Variants in PGGT1B observed in about 807,000 individuals in gnomAD.
PGGT1B encodes protein geranylgeranyltransferase type I subunit beta.
Under a neutral mutation model 46.1 loss-of-function variants are expected in PGGT1B, and 30 were observed. The ratio of observed to expected loss-of-function variants is 0.65; its 90% CI spans 0.49 to 0.88. The LOEUF is 0.88. Among genes scored for constraint, PGGT1B ranks in the 40% least tolerant of loss-of-function variants. PGGT1B has a pLI of 0.00. For synonymous variants in PGGT1B, 170 were observed against 160.0 expected, an observed-to-expected ratio of 1.06 and a Z score of -0.47; for missense variants, 376 against 455.9, an observed-to-expected ratio of 0.82 and a Z score of 1.60.
At chr5:115,226,374 T>C (rs1055513641) in intron 6 of PGGT1B, among the ~76,000 whole-genome samples, 2 of 152,050 alleles carry the variant, frequency 1.3e-5, no homozygotes, top group African/African-American at 4.8e-5. Context: ...GACCCAAGTA[T>C]TTTGGATAAG....
At chr5:115,239,634 G>C (rs868512480) in intron 3 of PGGT1B, among the ~76,000 whole-genome samples, 120 of 152,346 alleles carry the variant, frequency 7.9e-4, no homozygotes, top group African/African-American at 2.7e-3. Context: ...AGAATGTAAT[G>C]AGTAGTCATA....
chr5:115,214,840 TA>T, intron 8 of PGGT1B, among the ~76,000 whole-genome samples: 1 of 152,164 alleles, frequency 6.6e-6, no homozygotes, highest in Non-Finnish European at 1.5e-5. Flanking sequence ...TGCACTGGTT[TA>T]AAAAATGGAA....
At position 115,233,796 on chromosome 5, in the gene PGGT1B, T is replaced by C. The variant is rs912029763; in HGVS notation, c.612+2594A>G. Reference sequence around the variant, plus strand: ...AAAACAAAAAAAGTATAACGCTTTTTATTGGTGAGGCTATGTGAAAACAGG... The same window carrying C: ...AAAACAAAAAAAGTATAACGCTTTTCATTGGTGAGGCTATGTGAAAACAGG... On this transcript the variant is annotated intron_variant, in intron 5 of 8. Coordinates refer to ENST00000419445, the MANE Select transcript of PGGT1B (RefSeq NM_005023.4). 2.0e-5 allele frequency among the ~76,000 whole-genome samples: 3 copies of C among 152,026 alleles called. No individual in the cohort carries two copies. In the East Asian group the frequency reaches 5.8e-4, roughly 29 times the overall value.
intron 2 of PGGT1B, among the ~76,000 whole-genome samples, chr5:115,250,638 TC>T (rs1748052720): frequency 6.6e-6 from 1 of 152,072 alleles, no homozygotes; most frequent in Non-Finnish European, 1.5e-5. Flanking sequence ...CAATTCTAAC[TC>T]CAAAAAATGT....
Position 115,246,521 on chromosome 5 carries a change from G to A in PGGT1B, c.260-4915C>T, listed in dbSNP as rs568345725. ...ACACACAATTCATTGTAAATTTATC[G>A]CTGAATGCATACTCTGGGTACAGTA... is the stretch of plus-strand genomic sequence containing the variant. On this transcript the variant is annotated intron_variant, in intron 2 of 8. Coordinates refer to ENST00000419445, the MANE Select transcript of PGGT1B (RefSeq NM_005023.4). 3.3e-5 allele frequency among the ~76,000 whole-genome samples: 5 copies of A among 151,986 alleles called. No individual in the cohort carries two copies. The South Asian group carries it at 6.3e-4, about 19-fold the overall frequency.
chr5:115,216,958 G>A lies in PGGT1B; in HGVS notation c.859C>T (p.Gln287Ter), dbSNP rs762160140. Residue 287 changes from glutamine to a stop codon, truncating the protein, a stop_gained, in exon 8 of 9, where the codon CAA becomes TAA. Transcript: ENST00000419445. LOFTEE classifies it high-confidence loss of function. Reference protein sequence around the residue: ...GATLKLLKIFQYTNFEKNRNY... With the variant: ...GATLKLLKIF ...CTATTTTTCTCAAAGTTAGTGTATT[G>A]GAAAATTTTTAGAAGCTGAAATGAC... 6.6e-7 allele frequency: 1 copy of A among 1,505,702 alleles called. No individual in the cohort carries two copies. Among genetic ancestry groups the A allele is most frequent in the Admixed American group, 1.7e-5 (1 of 58,764 alleles). 93.3% of individuals were successfully genotyped at this position (1,505,702 alleles called of 1,614,324 possible). A position where few individuals can be genotyped will look rare whatever the true frequency, so the allele number is the denominator to read the frequency against.
intron 1 of PGGT1B, among the ~76,000 whole-genome samples, chr5:115,260,305 C>G (rs1748499454): frequency 6.6e-6 from 1 of 151,990 alleles, no homozygotes; most frequent in African/African-American, 2.4e-5. Context: ...CTTTTTCATA[C>G]CTATTGGTAA....
intron 6 of PGGT1B, among the ~76,000 whole-genome samples, chr5:115,229,365 C>A (rs1159204944): frequency 6.6e-6 from 1 of 152,006 alleles, no homozygotes; most frequent in African/African-American, 2.4e-5. Flanking sequence ...GATTAAAAGG[C>A]CTTCCTCTAG....
chr5:115,226,952 A>G (rs139143375), intron 6 of PGGT1B, among the ~76,000 whole-genome samples: 105 of 152,116 alleles, frequency 6.9e-4, no homozygotes, highest in African/African-American at 2.4e-3. Flanking sequence ...AGCAGAAGCA[A>G]GTGGAAAGGA....
intron 5 of PGGT1B, among the ~76,000 whole-genome samples, chr5:115,233,834 T>C (rs548131680): frequency 9.5e-4 from 145 of 152,152 alleles, no homozygotes; most frequent in African/African-American, 3.4e-3. Context: ...CTCTCTTATA[T>C]TGGTAGGAAA....
chr5:115,239,868 T>C (rs950031716), intron 3 of PGGT1B, among the ~76,000 whole-genome samples: 5 of 152,212 alleles, frequency 3.3e-5, no homozygotes, highest in Non-Finnish European at 5.9e-5. Context: ...TCCATCAGTG[T>C]TTCTCAAAAA....
intron 1 of PGGT1B, among the ~76,000 whole-genome samples, chr5:115,255,965 C>T (rs778303432): frequency 2.0e-5 from 3 of 152,148 alleles, no homozygotes; most frequent in Non-Finnish European, 4.4e-5. Flanking sequence ...ACCAACATAA[C>T]ATAGAGATCA....
intron 6 of PGGT1B, among the ~76,000 whole-genome samples, chr5:115,225,649 A>ATT (rs60269384): frequency 1.6e-4 from 23 of 144,432 alleles, no homozygotes; most frequent in African/African-American, 2.8e-4. Flanking sequence ...GGTAAAGTAA[A>ATT]TTTTTTTTTT....
intron 2 of PGGT1B, among the ~76,000 whole-genome samples, chr5:115,251,237 C>G (rs935575062): frequency 2.0e-5 from 3 of 152,024 alleles, no homozygotes; most frequent in African/African-American, 7.2e-5. Flanking sequence ...TTCCAGTTTG[C>G]TACATTTTTG....
chr5:115,254,616 A>T (rs56679820), intron 1 of PGGT1B, among the ~76,000 whole-genome samples: 1,570 of 122,890 alleles, frequency 0.013, 29 homozygotes, highest in African/African-American at 0.046. Flanking sequence ...TTTTTTTTTT[A>T]AGGGCAAATT....
intron 8 of PGGT1B, among the ~76,000 whole-genome samples, chr5:115,214,074 C>T (rs1368838208): frequency 6.6e-6 from 1 of 152,056 alleles, no homozygotes; most frequent in African/African-American, 2.4e-5. Context: ...TATTCTAAAA[C>T]TACAAAGGGT....
chr5:115,249,538 T>C (rs778046054), intron 2 of PGGT1B, among the ~76,000 whole-genome samples: 27 of 151,814 alleles, frequency 1.8e-4, no homozygotes, highest in Non-Finnish European at 3.8e-4. Flanking sequence ...AGTGGTTTGG[T>C]GGGAGTCAGG....
intron 7 of PGGT1B, among the ~76,000 whole-genome samples, chr5:115,221,507 G>C (rs1024341738): frequency 1.3e-5 from 2 of 151,942 alleles, no homozygotes; most frequent in African/African-American, 4.8e-5. Flanking sequence ...ATATGAACTA[G>C]TCAGTTCCAA....
Position 115,206,392 on chromosome 5 carries a change from T to C in PGGT1B, c.*6010A>G, listed in dbSNP as rs902064923. ...AAGGTTCAAAGTGAAATAAGCTATA[T>C]ATTTTTTAAAATTGTAAATATCTGA... On this transcript the variant is annotated 3_prime_UTR_variant, in exon 9 of 9. Transcript: ENST00000419445. 7 of 152,022 alleles carry C rather than the reference T, an allele frequency of 4.6e-5. No homozygotes were observed. The highest frequency in any genetic ancestry group is 4.6e-4 in the Admixed American group (7 of 15,252). The allele number at this position is 152,022 out of a possible 1,614,324, so 9.4% of individuals were successfully genotyped here. A position where few individuals can be genotyped will look rare whatever the true frequency, so the allele number is the denominator to read the frequency against.
Sources: allele counts gnomAD v4.1 joint callset (sites outside exome capture counted in the v4.1 genomes callset), GRCh38; gene constraint gnomAD v4.1.1; transcripts MANE v1.5; gene names NCBI Gene and HGNC (gene_info 2026-07-23, HGNC 2026-07-21).